Variants in FSTL5 observed in about 807,000 individuals in gnomAD.
FSTL5 encodes the protein follistatin like 5.
Under a neutral mutation model 89.1 loss-of-function variants are expected in FSTL5, and 62 were observed. The ratio of observed to expected loss-of-function variants is 0.70; its 90% confidence interval spans 0.57 to 0.86. The LOEUF (loss-of-function observed/expected upper bound fraction) is 0.86, where lower values mean the gene tolerates loss of function less well. Among genes scored for constraint, FSTL5 ranks in the 40% least tolerant of loss-of-function variants. The probability of loss-of-function intolerance (pLI) is 0.00; values close to 1 mark genes in which losing one functional copy is unlikely to be tolerated. For synonymous variants in FSTL5, 383 were observed against 346.2 expected, an observed-to-expected ratio of 1.11 and a Z score of -1.18; for missense variants, 1,057 against 1,001.6, an observed-to-expected ratio of 1.06 and a Z score of -0.75.
At chr4:161,822,001 A>C (rs1339282925) in intron 4 of FSTL5, among the ~76,000 whole-genome samples, 1 of 151,500 alleles carries the variant, frequency 6.6e-6, no homozygotes, top group Non-Finnish European at 1.5e-5. Flanking sequence ...TTATCTAAGG[A>C]CTCTCCACAC....
intron 4 of FSTL5, among the ~76,000 whole-genome samples, chr4:161,789,386 T>A (rs1263504049): frequency 6.6e-6 from 1 of 152,120 alleles, no homozygotes; most frequent in Non-Finnish European, 1.5e-5. Context: ...TAGCCTTTTG[T>A]GGCCTTTGAG....
At chr4:161,917,759 A>G (rs749368562) in intron 4 of FSTL5, among the ~76,000 whole-genome samples, 1 of 152,158 alleles carries the variant, frequency 6.6e-6, no homozygotes, top group South Asian at 2.1e-4. Flanking sequence ...AAAGATCCAC[A>G]TAAGAAGATG....
At chr4:162,010,567 C>G (rs1736734608) in intron 3 of FSTL5, among the ~76,000 whole-genome samples, 1 of 152,218 alleles carries the variant, frequency 6.6e-6, no homozygotes, top group South Asian at 2.1e-4. Context: ...AAAAGCAACT[C>G]TACACCCATT....
chr4:161,756,367 A>G (rs1211487755), intron 6 of FSTL5, among the ~76,000 whole-genome samples: 1 of 152,038 alleles, frequency 6.6e-6, no homozygotes, highest in Non-Finnish European at 1.5e-5. Context: ...AATTTGACCT[A>G]ATGGCAGAAT....
intron 8 of FSTL5, among the ~76,000 whole-genome samples, chr4:161,554,489 C>T (rs911699990): frequency 2.6e-5 from 4 of 151,392 alleles, no homozygotes; most frequent in Non-Finnish European, 4.4e-5. Flanking sequence ...GCATTATTGC[C>T]GCAGAGTATG....
At chr4:162,122,831 G>A (rs113064570) in intron 1 of FSTL5, among the ~76,000 whole-genome samples, 9 of 151,508 alleles carry the variant, frequency 5.9e-5, no homozygotes, top group Admixed American at 2.0e-4. Flanking sequence ...CTAAGTTTGC[G>A]TAGTGTAATG....
chr4:162,111,019 C>T (rs1372759362), intron 2 of FSTL5, among the ~76,000 whole-genome samples: 1 of 151,916 alleles, frequency 6.6e-6, no homozygotes, highest in Non-Finnish European at 1.5e-5. Context: ...ATTAGTATTA[C>T]TGTAGGTAAA....
chr4:161,465,237 G>A (rs1019764481), intron 13 of FSTL5, among the ~76,000 whole-genome samples: 1 of 151,870 alleles, frequency 6.6e-6, no homozygotes, highest in African/African-American at 2.4e-5. Context: ...TTCTCTTCCT[G>A]TAACTAGTCA....
chr4:161,857,784 T>C (rs1009759674), intron 4 of FSTL5, among the ~76,000 whole-genome samples: 5 of 152,196 alleles, frequency 3.3e-5, no homozygotes, highest in Non-Finnish European at 7.4e-5. Flanking sequence ...TAGCTAATTC[T>C]CTTTTTCTTC....
At chr4:161,875,870 TG>T (rs1360700502) in intron 4 of FSTL5, among the ~76,000 whole-genome samples, 2 of 152,190 alleles carry the variant, frequency 1.3e-5, no homozygotes, top group Non-Finnish European at 2.9e-5. Context: ...ATGCTTTTTT[TG>T]TACAATCTGT....
chr4:161,875,017 C>T (rs1732397271), intron 4 of FSTL5, among the ~76,000 whole-genome samples: 1 of 152,124 alleles, frequency 6.6e-6, no homozygotes, highest in African/African-American at 2.4e-5. Flanking sequence ...TTTGTTCTTT[C>T]ATCACATTTT....
chr4:162,013,225 A>G (rs1293893212), intron 3 of FSTL5, among the ~76,000 whole-genome samples: 1 of 152,000 alleles, frequency 6.6e-6, no homozygotes, highest in South Asian at 2.1e-4. Flanking sequence ...CACAATGTCT[A>G]TTACAATTGA....
At chr4:161,415,815 A>G (rs1467575009) in intron 15 of FSTL5, among the ~76,000 whole-genome samples, 1 of 57,076 alleles carries the variant, frequency 1.8e-5, no homozygotes, top group Non-Finnish European at 3.2e-5. Flanking sequence ...TATCATACAT[A>G]TAGGGGATAT....
chr4:161,696,069 T>C (rs927493477), intron 6 of FSTL5, among the ~76,000 whole-genome samples: 5 of 152,226 alleles, frequency 3.3e-5, no homozygotes, highest in Admixed American at 1.3e-4. Flanking sequence ...CAATGTTATC[T>C]TGTAGAATTT....
chr4:161,910,680 T>A (rs934824068), intron 4 of FSTL5, among the ~76,000 whole-genome samples: 1 of 152,084 alleles, frequency 6.6e-6, no homozygotes, highest in African/African-American at 2.4e-5. Flanking sequence ...GAAATTACCA[T>A]CATCTCTATA....
At chr4:161,474,545 GTT>G (rs56697910) in intron 13 of FSTL5, among the ~76,000 whole-genome samples, 1 of 144,578 alleles carries the variant, frequency 6.9e-6, no homozygotes, top group Admixed American at 6.9e-5. Flanking sequence ...TTGTGTAGTG[GTT>G]TTTTTTTTTT....
intron 8 of FSTL5, among the ~76,000 whole-genome samples, chr4:161,576,566 T>C (rs1270048916): frequency 6.6e-6 from 1 of 152,078 alleles, no homozygotes; most frequent in Non-Finnish European, 1.5e-5. Context: ...AACAAGCAAC[T>C]GGGAAATGAT....
chr4:162,000,749 TA>T (rs1238684516), intron 3 of FSTL5, among the ~76,000 whole-genome samples: 1 of 152,156 alleles, frequency 6.6e-6, no homozygotes, highest in Non-Finnish European at 1.5e-5. Context: ...GTTGTATTAC[TA>T]AAAGAAATGC....
intron 2 of FSTL5, among the ~76,000 whole-genome samples, chr4:162,049,530 T>C (rs940121785): frequency 1.3e-5 from 2 of 152,176 alleles, no homozygotes; most frequent in East Asian, 1.9e-4. Context: ...AGTAGGAGAG[T>C]TGCATCATGT....
Sources: allele counts gnomAD v4.1 joint callset (sites outside exome capture counted in the v4.1 genomes callset), GRCh38; gene constraint gnomAD v4.1.1; transcripts MANE v1.5; gene names NCBI Gene and HGNC (gene_info 2026-07-23, HGNC 2026-07-21).